The following GPRC5C variants were observed in gnomAD, a reference collection of about 807,000 sequenced individuals.
GPRC5C encodes G protein-coupled receptor family C group 5 member C.
In GPRC5C, 22 loss-of-function variants were observed where a neutral mutation model predicts 31.4. The ratio of observed to expected loss-of-function variants is 0.70; its 90% CI spans 0.50 to 1.00. The LOEUF is 1.00. Ranked by LOEUF, GPRC5C falls within the 50% of genes least tolerant of loss-of-function variation. The pLI, the probability that GPRC5C is intolerant of heterozygous loss-of-function variation, is 0.00. For synonymous variants in GPRC5C, 249 were observed against 257.5 expected (o/e 0.97, Z 0.32); for missense variants, 557 against 597.2 (o/e 0.93, Z 0.70).
downstream of GPRC5C, chr17:74,449,797 G>C (rs2055695254): frequency 5.8e-6 from 1 of 172,816 alleles, no homozygotes; most frequent in Non-Finnish European, 1.2e-5. Context: ...TCTGGCACTG[G>C]CTTGTCCCAC....
intron 3 of GPRC5C, among the ~76,000 whole-genome samples, chr17:74,444,494 A>G (rs956473452): frequency 2.1e-4 from 32 of 152,062 alleles, no homozygotes; most frequent in Non-Finnish European, 4.4e-5. Flanking sequence ...ACTCACTCCT[A>G]TATGTGTTCC....
chr17:74,450,364 G>A (rs1391721467), downstream of GPRC5C: 2 of 152,390 alleles, frequency 1.3e-5, no homozygotes, highest in Non-Finnish European at 2.9e-5. Context: ...GACACATGGG[G>A]TTGGGGTCAG....
downstream of GPRC5C, chr17:74,450,214 A>G (rs2055700241): frequency 6.6e-6 from 1 of 152,346 alleles, no homozygotes; most frequent in Non-Finnish European, 1.5e-5. Context: ...CCACGCTGGC[A>G]TCTGGGGTTC....
At chr17:74,438,393 T>C (rs1263140172) in intron 1 of GPRC5C, among the ~76,000 whole-genome samples, 1 of 151,606 alleles carries the variant, frequency 6.6e-6, no homozygotes, top group Non-Finnish European at 1.5e-5. Flanking sequence ...CCTGAATAGC[T>C]GGTATTATAG....
Position 74,443,844 on chromosome 17 carries a change from G to T in GPRC5C, c.1078G>T (p.Gly360Trp). 1 of 1,613,254 alleles carries T rather than the reference G, an allele frequency of 6.2e-7. No homozygotes were observed. Among genetic ancestry groups the T allele is most frequent in the Non-Finnish European group, 8.5e-7 (1 of 1,179,290 alleles). The change falls in exon 3 of 4, where the codon GGG (glycine) becomes TGG (tryptophan). Residue 360 changes from glycine (G) to tryptophan (W), a missense_variant. Gly to Trp is a radical substitution (Grantham distance 184). Transcript: ENST00000392627. ...TAAGAGGCCGGTGTCACCATACAGC[G>T]GGTACAATGGGCAGCTGCTGACCAG... is the stretch of plus-strand genomic sequence containing the variant. ...AAKRPVSPYS[G>W]YNGQLLTSVY...
Position 74,446,974 on chromosome 17 carries a change from G to C in GPRC5C, c.1272G>C (p.Pro424=), listed in dbSNP as rs773046918. The C allele has an allele frequency of 6.2e-7, 1 of 1,614,068 alleles. No homozygotes were observed. The highest frequency in any genetic ancestry group is 2.2e-5 in the East Asian group (1 of 44,902). ...YSAQSHQAAT[P]PKDGKNSQVF... is the part of the protein sequence containing the mutation. ...CCCAGAGCCACCAGGCGGCCACACC[G>C]CCGAAAGACGGCAAGAACTCTCAGG... is the stretch of plus-strand genomic sequence containing the variant. The change falls in exon 4 of 4, where the codon CCG becomes CCC. Residue 424 remains proline (P), a synonymous_variant. Coordinates refer to ENST00000392627, the MANE Select transcript of GPRC5C (RefSeq NM_022036.4).
At chr17:74,436,122 G>T (rs1321892219) in intron 1 of GPRC5C, among the ~76,000 whole-genome samples, 1 of 152,142 alleles carries the variant, frequency 6.6e-6, no homozygotes, top group African/African-American at 2.4e-5. Flanking sequence ...TTAGGATAAT[G>T]CCCCCAGCCC....
intron 1 of GPRC5C, among the ~76,000 whole-genome samples, chr17:74,435,355 G>T (rs2144405460): frequency 6.6e-6 from 1 of 152,338 alleles, no homozygotes; most frequent in South Asian, 2.1e-4. Context: ...CGCCCAGAAA[G>T]CCCAGGTTTC....
chr17:74,444,468 C>T (rs747717217), intron 3 of GPRC5C, among the ~76,000 whole-genome samples: 1 of 152,116 alleles, frequency 6.6e-6, no homozygotes, highest in Non-Finnish European at 1.5e-5. Flanking sequence ...AGCAGGAAGA[C>T]GGTGGGTTGG....
chr17:74,442,679 T>G (rs1008429439), intron 2 of GPRC5C, among the ~76,000 whole-genome samples: 3 of 152,228 alleles, frequency 2.0e-5, no homozygotes, highest in Admixed American at 6.5e-5. Flanking sequence ...AGACATTCCT[T>G]TCTCTTCTAC....
At position 74,440,183 on chromosome 17, in the gene GPRC5C, C is replaced by G. The variant is rs1039008324; in HGVS notation, c.407C>G (p.Ala136Gly). 6.2e-7 allele frequency: 1 copy of G among 1,614,098 alleles called. No homozygotes were observed. Among genetic ancestry groups the G allele is most frequent in the African/African-American group, 1.3e-5 (1 of 74,930 alleles). The change falls in exon 2 of 4, where the codon GCT becomes GGT. Residue 136 changes from alanine to glycine, a missense_variant. Ala to Gly is a moderately conservative substitution (Grantham distance 60). Coordinates refer to ENST00000392627, the MANE Select transcript of GPRC5C (RefSeq NM_022036.4). This position sits in a 1 kb window ranked among gnomAD's most constrained non-coding sequence, Gnocchi z 4.4. The stretch of plus-strand genomic sequence containing the variant: ...GCCATCTGCTTCTCTTGTCTGGCGG[C>G]TCACGTCTTTGCCCTCAACTTCCTG... ...LFAICFSCLA[A>G]HVFALNFLAR...
chr17:74,444,913 T>C (rs2055603055), intron 3 of GPRC5C, among the ~76,000 whole-genome samples: 1 of 152,132 alleles, frequency 6.6e-6, no homozygotes, highest in Non-Finnish European at 1.5e-5. Context: ...CAAAACATGG[T>C]ACCCGGACCA....
At chr17:74,449,155 A>C (rs942779875), downstream of GPRC5C, among the ~76,000 whole-genome samples, 2 of 152,162 alleles carry the variant, frequency 1.3e-5, no homozygotes, top group Admixed American at 6.5e-5. Flanking sequence ...AAAAAAAATA[A>C]ACTTGAAGGG....
downstream of GPRC5C, among the ~76,000 whole-genome samples, chr17:74,448,302 A>G (rs1235524580): frequency 2.0e-5 from 3 of 152,192 alleles, no homozygotes; most frequent in Non-Finnish European, 4.4e-5. Flanking sequence ...CTCTGTCTCA[A>G]AAAAAGAAAG....
chr17:74,444,431 G>A (rs755948244), intron 3 of GPRC5C, among the ~76,000 whole-genome samples: 2 of 152,204 alleles, frequency 1.3e-5, no homozygotes, highest in Admixed American at 6.5e-5. Context: ...GAAACTAGAA[G>A]CATCGTTAGC....
At chr17:74,437,133 G>A (rs8073034) in intron 1 of GPRC5C, among the ~76,000 whole-genome samples, 1 of 151,958 alleles carries the variant, frequency 6.6e-6, no homozygotes, top group Non-Finnish European at 1.5e-5. Context: ...TAGTAGAGAC[G>A]TGGTTTCAGC....
downstream of GPRC5C, among the ~76,000 whole-genome samples, chr17:74,448,324 G>A (rs146710543): frequency 2.0e-5 from 3 of 152,132 alleles, no homozygotes; most frequent in South Asian, 2.1e-4. Flanking sequence ...CAGTTTGTTC[G>A]GTACTTATAC....
At position 74,443,935 on chromosome 17, in the gene GPRC5C, C is replaced by T. The variant is rs1201818134; in HGVS notation, c.1146+23C>T. On this transcript the variant is annotated intron_variant, in intron 3 of 3. Coordinates refer to ENST00000392627, the MANE Select transcript of GPRC5C (RefSeq NM_022036.4). ...CCGGTAAGTGGGTTCCCCAGGTCCC[C>T]GTGACACGTCTGGGCTACAGAGACC... 7.4e-6 allele frequency: 11 copies of T among 1,487,462 alleles called. No homozygotes were observed. The Admixed American group carries it at 8.4e-5, about 11-fold the overall frequency. 92.1% of individuals were successfully genotyped at this position (1,487,462 alleles called of 1,614,324 possible).
intron 1 of GPRC5C, among the ~76,000 whole-genome samples, chr17:74,438,679 A>G (rs1249878424): frequency 6.6e-6 from 1 of 152,198 alleles, no homozygotes; most frequent in African/African-American, 2.4e-5. Flanking sequence ...GATTATAGGC[A>G]TGAACCACCG....
Sources: gnomAD v4.1 joint callset for allele counts (sites outside exome capture counted in the v4.1 genomes callset) on GRCh38, gnomAD v4.1.1 for gene constraint, Gnocchi (gnomAD v3.1) non-coding constraint, MANE v1.5 for transcripts, NCBI Gene and HGNC (gene_info 2026-07-23, HGNC 2026-07-21) for gene names.